Variants in PCDHGB1 observed in about 807,000 individuals in gnomAD.
PCDHGB1 encodes the protein protocadherin gamma subfamily B, 1.
Under a neutral mutation model 56.6 loss-of-function variants are expected in PCDHGB1, and 34 were observed. The ratio of observed to expected loss-of-function variants is 0.60; its 90% CI spans 0.46 to 0.80. The LOEUF is 0.80. Ranked by LOEUF, PCDHGB1 falls within the 30% of genes least tolerant of loss-of-function variation. PCDHGB1 has a pLI of 0.00. For missense variants in PCDHGB1, 1,278 were observed against 1,204.6 expected (o/e 1.06, Z -0.90); for synonymous variants, 561 against 505.9 (o/e 1.11, Z -1.46).
chr5:141,408,506 T>C, intron 1 of PCDHGB1: 2 of 1,614,010 alleles, frequency 1.2e-6, no homozygotes, highest in Non-Finnish European at 1.7e-6. Flanking sequence ...GAGAAGAAGA[T>C]GTGAGTTGCA....
At chr5:141,353,273 T>G (rs1391444264) in intron 1 of PCDHGB1, among the ~76,000 whole-genome samples, 2 of 152,234 alleles carry the variant, frequency 1.3e-5, no homozygotes, top group African/African-American at 4.8e-5. Context: ...TACTATATTT[T>G]CAAGTCATTT....
chr5:141,370,057 C>T (rs180898728), intron 1 of PCDHGB1, among the ~76,000 whole-genome samples: 2 of 152,150 alleles, frequency 1.3e-5, no homozygotes, highest in Non-Finnish European at 2.9e-5. Flanking sequence ...TTTAAAAGTC[C>T]TTTTAAAATG....
At chr5:141,353,477 C>T (rs1759289576) in intron 1 of PCDHGB1, among the ~76,000 whole-genome samples, 1 of 152,138 alleles carries the variant, frequency 6.6e-6, no homozygotes, top group African/African-American at 2.4e-5. Context: ...ATTATTAAGA[C>T]TCTTAACACT....
At chr5:141,459,603 A>G (rs867387156) in intron 1 of PCDHGB1, among the ~76,000 whole-genome samples, 1 of 152,244 alleles carries the variant, frequency 6.6e-6, no homozygotes, top group Non-Finnish European at 1.5e-5. Flanking sequence ...AATGGGAAGT[A>G]TATGCTTAAC....
At chr5:141,409,122 T>G (rs1276365021) in intron 1 of PCDHGB1, 1 of 1,614,026 alleles carries the variant, frequency 6.2e-7, no homozygotes, top group South Asian at 1.1e-5. Context: ...AACCAGTCAT[T>G]TGATTTTGAA....
chr5:141,430,666 G>A (rs2097301396), intron 1 of PCDHGB1: 1 of 1,222,518 alleles, frequency 8.2e-7, no homozygotes, highest in Admixed American at 2.7e-5. Flanking sequence ...GAGGAGCTCT[G>A]ACTTCCCAAC....
intron 1 of PCDHGB1, chr5:141,389,998 T>G: frequency 6.2e-7 from 1 of 1,614,046 alleles, no homozygotes; most frequent in Non-Finnish European, 8.5e-7. Flanking sequence ...CTCGTGGCCA[T>G]GATTCTGGCC....
intron 1 of PCDHGB1, among the ~76,000 whole-genome samples, chr5:141,373,276 G>T (rs1769464753): frequency 6.6e-6 from 1 of 152,204 alleles, no homozygotes; most frequent in Non-Finnish European, 1.5e-5. Flanking sequence ...CACAGATGTT[G>T]CCTATGTCAG....
chr5:141,404,466 TCTCTATTAA>T, intron 1 of PCDHGB1: 5 of 1,613,558 alleles, frequency 3.1e-6, no homozygotes, highest in Non-Finnish European at 4.2e-6. Context: ...TCCACCTATG[TCTCTATTAA>T]CTCAGACACT....
chr5:141,431,023 C>G lies in PCDHGB1; in HGVS notation c.2410-63784C>G. 6.2e-7 allele frequency: 1 copy of G among 1,613,748 alleles called. No homozygotes were observed. Among genetic ancestry groups the G allele is most frequent in the Non-Finnish European group, 8.5e-7 (1 of 1,179,820 alleles). On this transcript the variant is annotated intron_variant, in intron 1 of 3. Transcript: ENST00000523390. This position sits in a 1 kb window ranked among gnomAD's most constrained non-coding sequence, Gnocchi z 4.8. ...GCAGCGGCAGCTTGGTCACGGCGGG[C>G]AGGATAGACCGGGAGGAGCTCTGTA...
chr5:141,372,132 C>A, intron 1 of PCDHGB1: 1 of 1,613,718 alleles, frequency 6.2e-7, no homozygotes, highest in Non-Finnish European at 8.5e-7. Flanking sequence ...TATGGTGCCG[C>A]GCTCTGCAGA....
intron 1 of PCDHGB1, chr5:141,393,562 A>C: frequency 6.2e-7 from 1 of 1,613,964 alleles, no homozygotes; most frequent in Non-Finnish European, 8.5e-7. Context: ...TACCGAGTGA[A>C]AGTCCTTGAG....
chr5:141,482,205 C>A (rs1478729653), intron 1 of PCDHGB1, among the ~76,000 whole-genome samples: 1 of 151,896 alleles, frequency 6.6e-6, no homozygotes, highest in Non-Finnish European at 1.5e-5. Context: ...TAAAACAGAC[C>A]AGGTACTTGT....
intron 1 of PCDHGB1, chr5:141,371,767 C>A: frequency 6.2e-7 from 1 of 1,614,030 alleles, no homozygotes; most frequent in Non-Finnish European, 8.5e-7. Context: ...GCCTCCTACA[C>A]CGTGCATGTA....
chr5:141,466,496 GCA>G (rs2099123596), intron 1 of PCDHGB1, among the ~76,000 whole-genome samples: 1 of 152,120 alleles, frequency 6.6e-6, no homozygotes. Context: ...TTTAATTAGA[GCA>G]CAGACAAGAT....
intron 1 of PCDHGB1, among the ~76,000 whole-genome samples, chr5:141,353,372 A>G (rs1343122044): frequency 6.6e-6 from 1 of 152,228 alleles, no homozygotes; most frequent in Admixed American, 6.5e-5. Context: ...TGATGTAATT[A>G]TGTATTAATG....
chr5:141,510,472 G>A (rs1209464436), intron 3 of PCDHGB1, among the ~76,000 whole-genome samples: 7 of 152,102 alleles, frequency 4.6e-5, no homozygotes, highest in Non-Finnish European at 1.0e-4. Context: ...GGAGTCAGAG[G>A]CTCCCTTGAG....
intron 1 of PCDHGB1, chr5:141,388,133 G>C: frequency 6.9e-7 from 1 of 1,450,894 alleles, no homozygotes. Flanking sequence ...AGAGCGGGGA[G>C]TTGCTTGTGA....
intron 1 of PCDHGB1, chr5:141,370,647 C>T: frequency 6.2e-7 from 1 of 1,613,884 alleles, no homozygotes; most frequent in African/African-American, 1.3e-5. Flanking sequence ...TGGGAACTTA[C>T]TTGTGAGCGA....
Sources: gnomAD v4.1 joint callset for allele counts (sites outside exome capture counted in the v4.1 genomes callset) on GRCh38, gnomAD v4.1.1 for gene constraint, Gnocchi (gnomAD v3.1) non-coding constraint, MANE v1.5 for transcripts, NCBI Gene and HGNC (gene_info 2026-07-23, HGNC 2026-07-21) for gene names.